KLF7: variants seen among roughly 807,000 people sequenced by gnomAD.
The protein encoded by KLF7 is KLF transcription factor 7.
Under a neutral mutation model 27.3 loss-of-function variants are expected in KLF7, and 2 were observed. The observed-to-expected ratio is 0.07, with a 90% CI of 0.03 to 0.23. The LOEUF is 0.23. Among genes scored for constraint, KLF7 ranks in the 10% least tolerant of loss-of-function variants. The pLI is 1.00. For synonymous variants in KLF7, 165 were observed against 162.4 expected, an observed-to-expected ratio of 1.02 and a Z score of -0.12; for missense variants, 221 against 394.1, an observed-to-expected ratio of 0.56 and a Z score of 3.72.
At chr2:207,155,280 G>C (rs1033339642) in intron 1 of KLF7, among the ~76,000 whole-genome samples, 34 of 152,124 alleles carry the variant, frequency 2.2e-4, no homozygotes, top group Non-Finnish European at 3.5e-4. Flanking sequence ...ACAGTACTAT[G>C]ATGGTTATTT....
chr2:207,162,446 T>A (rs1011446727), intron 1 of KLF7, among the ~76,000 whole-genome samples: 1 of 152,208 alleles, frequency 6.6e-6, no homozygotes, highest in African/African-American at 2.4e-5. Context: ...AAAGATGATG[T>A]TACTTGGGCC....
chr2:207,152,407 G>GA lies in KLF7; in HGVS notation c.102+13059dup, dbSNP rs373051953. On this transcript the variant is annotated intron_variant, in intron 1 of 3. Transcript: ENST00000309446. ...TTTGTTAATGAGGGATGTCTGATGG[G>GA]AAAAAAAAATTGTTTGGTATTGTCT... Among the ~76,000 whole-genome samples the GA allele has an allele frequency of 2.2e-3, 330 of 151,208 alleles. 2 individuals are homozygous for GA. Among genetic ancestry groups the GA allele is most frequent in the African/African-American group, 7.5e-3 (310 of 41,238 alleles).
intron 2 of KLF7, among the ~76,000 whole-genome samples, chr2:207,103,959 A>T (rs993150797): frequency 3.3e-5 from 5 of 152,262 alleles, no homozygotes; most frequent in Non-Finnish European, 7.3e-5. Context: ...GTGAATAAAG[A>T]GCCTGCAATC....
rs1422006156 is a variant in KLF7, at chr2:207,081,057, G to A, written c.*156C>T. 1.9e-6 allele frequency: 1 copy of A among 523,940 alleles called. No homozygotes were observed. Among genetic ancestry groups the A allele is most frequent in the Middle Eastern group, 5.3e-4 (1 of 1,878 alleles). The allele number at this position is 523,940 out of a possible 1,614,324, so 32.5% of individuals were successfully genotyped here. A position where few individuals can be genotyped will look rare whatever the true frequency, so the allele number is the denominator to read the frequency against. ...TATGTGTGTGGGTCTGTGAGTGTGT[G>A]TATATGTGTGTGTGTGTGTGTGTGT... is the stretch of plus-strand genomic sequence containing the variant. On this transcript the variant is annotated 3_prime_UTR_variant, in exon 4 of 4. Coordinates refer to ENST00000309446, the MANE Select transcript of KLF7 (RefSeq NM_003709.4).
chr2:207,153,909 C>T (rs2106115497), intron 1 of KLF7, among the ~76,000 whole-genome samples: 1 of 152,262 alleles, frequency 6.6e-6, no homozygotes, highest in African/African-American at 2.4e-5. Context: ...ACAGGGCTGG[C>T]ATCTCTGAAA....
At chr2:207,143,420 CAA>C (rs548713514) in intron 1 of KLF7, among the ~76,000 whole-genome samples, 18 of 136,750 alleles carry the variant, frequency 1.3e-4, no homozygotes, top group Admixed American at 2.2e-4. Context: ...CTCCATTTAC[CAA>C]AAAAAAAAAA....
At chr2:207,161,775 C>A (rs1265713035) in intron 1 of KLF7, among the ~76,000 whole-genome samples, 1 of 152,096 alleles carries the variant, frequency 6.6e-6, no homozygotes, top group Non-Finnish European at 1.5e-5. Flanking sequence ...ACACTTTAGT[C>A]CTTACAGTAG....
chr2:207,090,440 G>A (rs952449331), intron 2 of KLF7, among the ~76,000 whole-genome samples: 4 of 152,206 alleles, frequency 2.6e-5, no homozygotes, highest in Non-Finnish European at 5.9e-5. Flanking sequence ...AAACGAGGGT[G>A]AGCTTATTAA....
intron 1 of KLF7, among the ~76,000 whole-genome samples, chr2:207,160,229 C>A (rs1574595394): frequency 6.6e-6 from 1 of 152,122 alleles, no homozygotes. Flanking sequence ...ATTCCGCCCC[C>A]CTACCCCCAA....
chr2:207,100,843 C>T (rs1267878976), intron 2 of KLF7, among the ~76,000 whole-genome samples: 1 of 152,212 alleles, frequency 6.6e-6, no homozygotes, highest in Non-Finnish European at 1.5e-5. Flanking sequence ...AACAAGGACA[C>T]CTTATACCCC....
rs181331817 is a variant in KLF7, at chr2:207,162,108, T to G, written c.102+3359A>C. Among the ~76,000 whole-genome samples, 169 of 152,318 alleles carry G rather than the reference T, an allele frequency of 1.1e-3. 1 individual carries two copies. Among genetic ancestry groups the G allele is most frequent in the African/African-American group, 3.8e-3 (157 of 41,566 alleles). On this transcript the variant is annotated intron_variant, in intron 1 of 3. Transcript: ENST00000309446. Reference sequence around the variant, plus strand: ...TAAAAGTTCTAAAAGTCTTTGTATATTCAAGAAGAAAATAAAAGCATTGTA... The same window carrying G: ...TAAAAGTTCTAAAAGTCTTTGTATAGTCAAGAAGAAAATAAAAGCATTGTA...
rs2078692940 is a variant in KLF7, at chr2:207,165,859, TC to T, written c.-292del. The T allele has an allele frequency of 1.6e-6, 2 of 1,269,208 alleles. No homozygotes were observed. Among genetic ancestry groups the T allele is most frequent in the Admixed American group, 6.6e-5 (2 of 30,432 alleles). 78.6% of individuals were successfully genotyped at this position (1,269,208 alleles called of 1,614,324 possible). A position where few individuals can be genotyped will look rare whatever the true frequency, so the allele number is the denominator to read the frequency against. ...TTCTCCACGGGAGTAACAATTCCCT[TC>T]CAGGGCTCTAATCACTCCAGCTCGT... On this transcript the variant is annotated 5_prime_UTR_variant, in exon 1 of 4. Coordinates refer to ENST00000309446, the MANE Select transcript of KLF7 (RefSeq NM_003709.4).
At chr2:207,106,070 GATTA>G (rs2076876660) in intron 2 of KLF7, among the ~76,000 whole-genome samples, 1 of 152,182 alleles carries the variant, frequency 6.6e-6, no homozygotes, top group African/African-American at 2.4e-5. Flanking sequence ...TAATTAGTAT[GATTA>G]ATTACTTTTT....
chr2:207,139,705 G>A (rs940858063), intron 1 of KLF7, among the ~76,000 whole-genome samples: 1 of 152,076 alleles, frequency 6.6e-6, no homozygotes, highest in African/African-American at 2.4e-5. Flanking sequence ...TGAGACTGGG[G>A]CAAATAGTCT....
At chr2:207,172,782 A>G in the KLF7 span, among the ~76,000 whole-genome samples, 1 of 152,190 alleles carries the variant, frequency 6.6e-6, no homozygotes, top group African/African-American at 2.4e-5. Flanking sequence ...TCTATTTGCC[A>G]GTGGCCTTAT....
At chr2:207,122,672 C>T (rs1313016062) in intron 2 of KLF7, among the ~76,000 whole-genome samples, 3 of 152,162 alleles carry the variant, frequency 2.0e-5, no homozygotes, top group African/African-American at 7.2e-5. Context: ...AATCTCTCCC[C>T]TGCACACTTC....
At chr2:207,121,293 T>A (rs1335168151) in intron 2 of KLF7, among the ~76,000 whole-genome samples, 1 of 152,248 alleles carries the variant, frequency 6.6e-6, no homozygotes, top group East Asian at 1.9e-4. Context: ...TTTGGCTAAC[T>A]GGCTTGTTTC....
chr2:207,140,405 T>C lies in KLF7; in HGVS notation c.103-16001A>G, dbSNP rs114192858. 4.6e-3 allele frequency among the ~76,000 whole-genome samples: 697 copies of C among 152,260 alleles called. 2 individuals carry two copies. The highest frequency in any genetic ancestry group is 0.016 in the African/African-American group (671 of 41,542). On this transcript the variant is annotated intron_variant, in intron 1 of 3. Transcript: ENST00000309446. ...AAATAAGTCAACATTTTTCTCCCAG[T>C]CCTTAGAGACTAATGCATTTTCCAA...
At chr2:207,116,028 A>G (rs1272780790) in intron 2 of KLF7, among the ~76,000 whole-genome samples, 1 of 152,190 alleles carries the variant, frequency 6.6e-6, no homozygotes, top group Non-Finnish European at 1.5e-5. Context: ...AAAAAACCCC[A>G]TATTTTAGAA....
Sources: allele counts gnomAD v4.1 joint callset (sites outside exome capture counted in the v4.1 genomes callset), GRCh38; gene constraint gnomAD v4.1.1; transcripts MANE v1.5; gene names NCBI Gene and HGNC (gene_info 2026-07-23, HGNC 2026-07-21).